The following SH3KBP1 variants were observed in gnomAD, a reference collection of about 807,000 sequenced individuals.
SH3KBP1 encodes SH3 domain containing kinase binding protein 1, also known as SH3 domain-containing kinase-binding protein 1.
A neutral mutation model predicts 50.1 loss-of-function variants in SH3KBP1; 8 were observed. The ratio of observed to expected loss-of-function variants is 0.16; its 90% CI spans 0.09 to 0.29. SH3KBP1 has a LOEUF of 0.29. SH3KBP1 is among the 10% of genes least tolerant of loss of function. The pLI is 1.00. For missense variants in SH3KBP1, 377 were observed against 535.2 expected (o/e 0.70, Z 2.92); for synonymous variants, 227 against 218.6 (o/e 1.04, Z -0.34).
intron 1 of SH3KBP1, among the ~76,000 whole-genome samples, chrX:19,843,340 C>A (rs1159423442): frequency 9.1e-6 from 1 of 110,166 alleles, no homozygotes; most frequent in Non-Finnish European, 1.9e-5. Context: ...TTTACATACA[C>A]ACAGACTCTT....
intron 3 of SH3KBP1, among the ~76,000 whole-genome samples, chrX:19,708,956 G>T (rs1049519007): frequency 6.3e-5 from 7 of 111,794 alleles, no homozygotes; most frequent in African/African-American, 2.0e-4. Flanking sequence ...ACTTACAGTT[G>T]TATGTAAGTT....
intron 8 of SH3KBP1, among the ~76,000 whole-genome samples, chrX:19,625,271 C>T (rs2067979974): frequency 9.1e-6 from 1 of 109,675 alleles, no homozygotes; most frequent in African/African-American, 3.3e-5. Flanking sequence ...AACATTAGAA[C>T]AAAAAAAATA....
At chrX:19,779,313 AAGG>A (rs2066085553) in intron 2 of SH3KBP1, among the ~76,000 whole-genome samples, 1 of 108,352 alleles carries the variant, frequency 9.2e-6, no homozygotes, top group Admixed American at 9.9e-5. Flanking sequence ...AAAAAAAAAA[AAGG>A]AGGAGGAGAA....
chrX:19,708,780 T>C (rs778376176), intron 3 of SH3KBP1, among the ~76,000 whole-genome samples: 1 of 111,891 alleles, frequency 8.9e-6, no homozygotes, highest in Non-Finnish European at 1.9e-5. Flanking sequence ...TTTCATTTGC[T>C]GGATGTTATG....
intron 2 of SH3KBP1, among the ~76,000 whole-genome samples, chrX:19,801,828 C>T (rs756991316): frequency 8.9e-6 from 1 of 112,170 alleles, no homozygotes; most frequent in African/African-American, 3.2e-5. Context: ...GTAATTCTAA[C>T]ACTTTGGGAG....
chrX:19,787,811 G>A (rs1206083802), intron 2 of SH3KBP1, among the ~76,000 whole-genome samples: 1 of 111,540 alleles, frequency 9.0e-6, no homozygotes, highest in African/African-American at 3.3e-5. Flanking sequence ...GCCAGGGAAG[G>A]CCTCTCCAGC....
At chrX:19,694,466 T>TCC (rs773270289) in intron 5 of SH3KBP1, among the ~76,000 whole-genome samples, 32 of 109,255 alleles carry the variant, frequency 2.9e-4, no homozygotes, top group African/African-American at 1.0e-3. Context: ...ACACCTCGTT[T>TCC]CCCCCCCCAA....
At chrX:19,853,733 C>T (rs1218157260) in intron 1 of SH3KBP1, among the ~76,000 whole-genome samples, 2 of 111,059 alleles carry the variant, frequency 1.8e-5, no homozygotes, top group Non-Finnish European at 3.8e-5. Context: ...GAGGCCAAGG[C>T]GGGCAGCTCA....
intron 4 of SH3KBP1, among the ~76,000 whole-genome samples, chrX:19,702,243 T>C (rs1293932128): frequency 3.6e-5 from 4 of 112,021 alleles, no homozygotes; most frequent in African/African-American, 1.3e-4. Flanking sequence ...TTGAATAAAC[T>C]TGACTTCTCA....
At chrX:19,746,807 T>A (rs1405594149) in intron 2 of SH3KBP1, among the ~76,000 whole-genome samples, 2 of 111,963 alleles carry the variant, frequency 1.8e-5, no homozygotes, top group African/African-American at 6.5e-5. Flanking sequence ...TTAAAAAGCC[T>A]TCTGATTTAT....
At chrX:19,772,812 C>T (rs1603228245) in intron 2 of SH3KBP1, among the ~76,000 whole-genome samples, 1 of 111,066 alleles carries the variant, frequency 9.0e-6, no homozygotes, top group Non-Finnish European at 1.9e-5. Context: ...CTGGCTCTTC[C>T]TCCTCATCTT....
chrX:19,543,282 G>C (rs1354727708), intron 15 of SH3KBP1, among the ~76,000 whole-genome samples: 1 of 111,784 alleles, frequency 8.9e-6, no homozygotes, highest in Admixed American at 9.5e-5. Context: ...CAGGCATCGA[G>C]ATTGTACCTT....
chrX:19,861,610 T>G (rs752682067), intron 1 of SH3KBP1, among the ~76,000 whole-genome samples: 6 of 111,643 alleles, frequency 5.4e-5, no homozygotes, highest in African/African-American at 2.0e-4. Context: ...CTTGGGAATT[T>G]AACCATGTCA....
At chrX:19,827,037 C>T (rs971542561) in intron 2 of SH3KBP1, among the ~76,000 whole-genome samples, 1 of 111,492 alleles carries the variant, frequency 9.0e-6, no homozygotes, top group Non-Finnish European at 1.9e-5. Context: ...ACTGGCCTTT[C>T]GCCTCATGGA....
intron 7 of SH3KBP1, among the ~76,000 whole-genome samples, chrX:19,633,278 C>T (rs1264992446): frequency 1.8e-5 from 2 of 111,546 alleles, no homozygotes; most frequent in Non-Finnish European, 3.8e-5. Context: ...ATATTAGTTA[C>T]ATTCCCTGTC....
At chrX:19,869,554 C>T (rs955906046) in intron 1 of SH3KBP1, among the ~76,000 whole-genome samples, 2 of 112,444 alleles carry the variant, frequency 1.8e-5, no homozygotes, top group Non-Finnish European at 3.8e-5. Flanking sequence ...GCAATTCACT[C>T]ACCCTGACCA....
At chrX:19,776,424 C>A (rs1320704028) in intron 2 of SH3KBP1, among the ~76,000 whole-genome samples, 1 of 108,741 alleles carries the variant, frequency 9.2e-6, no homozygotes, top group African/African-American at 3.4e-5. Flanking sequence ...GCAGTGATGT[C>A]CCTGGGCCAA....
chrX:19,651,695 T>C (rs1258621986), intron 6 of SH3KBP1, among the ~76,000 whole-genome samples: 1 of 111,965 alleles, frequency 8.9e-6, no homozygotes, highest in East Asian at 2.8e-4. Flanking sequence ...TAGAAGCAGT[T>C]GTCAAGTATA....
intron 2 of SH3KBP1, among the ~76,000 whole-genome samples, chrX:19,760,041 C>CTCTCTCTCT (rs1472663912): frequency 9.9e-5 from 5 of 50,459 alleles, no homozygotes; most frequent in African/African-American, 3.7e-4. Context: ...TCTCTCTCTC[C>CTCTCTCTCT]CTCTCTCTCT....
Sources: gnomAD v4.1 joint callset for allele counts (sites outside exome capture counted in the v4.1 genomes callset) on GRCh38, gnomAD v4.1.1 for gene constraint, MANE v1.5 for transcripts, NCBI Gene and HGNC (gene_info 2026-07-23, HGNC 2026-07-21) for gene names.